Variants in SP140L observed in about 807,000 individuals in gnomAD.
SP140L encodes SP140 like nuclear body protein, also known as nuclear body protein SP140-like protein.
A neutral mutation model predicts 84.3 loss-of-function variants in SP140L; 64 were observed. The ratio of observed to expected loss-of-function variants is 0.76; its 90% CI spans 0.62 to 0.94. The LOEUF is 0.94. SP140L is among the 40% of genes least tolerant of loss of function. The pLI is 0.00. For synonymous variants in SP140L, 242 were observed against 236.9 expected, an observed-to-expected ratio of 1.02 and a Z score of -0.20; for missense variants, 628 against 692.5, an observed-to-expected ratio of 0.91 and a Z score of 1.05.
At chr2:230,385,923 G>A (rs1297829212) in intron 9 of SP140L, among the ~76,000 whole-genome samples, 1 of 152,174 alleles carries the variant, frequency 6.6e-6, no homozygotes, top group Non-Finnish European at 1.5e-5. Context: ...ATCCAGGATT[G>A]GGGAGGTGAG....
chr2:230,364,629 A>C (rs963873191), intron 5 of SP140L, among the ~76,000 whole-genome samples: 13 of 152,066 alleles, frequency 8.5e-5, no homozygotes, highest in Middle Eastern at 3.4e-3. Context: ...GATGTCTTTT[A>C]TTTCTTTTTC....
intron 2 of SP140L, among the ~76,000 whole-genome samples, chr2:230,337,806 G>C (rs1360017847): frequency 2.6e-5 from 4 of 152,048 alleles, no homozygotes; most frequent in Non-Finnish European, 2.9e-5. Context: ...GATAGTTGTA[G>C]ATACGCAGCG....
chr2:230,350,481 A>G (rs1312865326), intron 2 of SP140L, among the ~76,000 whole-genome samples: 1 of 152,206 alleles, frequency 6.6e-6, no homozygotes, highest in Non-Finnish European at 1.5e-5. Flanking sequence ...GCTACTAAAA[A>G]CAATGCTTCA....
chr2:230,378,524 A>C (rs2061317723), intron 7 of SP140L, among the ~76,000 whole-genome samples: 1 of 152,136 alleles, frequency 6.6e-6, no homozygotes, highest in Non-Finnish European at 1.5e-5. Flanking sequence ...CAGATCTTAA[A>C]CTGGTGGCCA....
Position 230,388,566 on chromosome 2 carries a change from G to A in SP140L, c.792G>A (p.Lys264=). 1 of 1,608,348 alleles carries A rather than the reference G, an allele frequency of 6.2e-7. No homozygotes were observed. The highest frequency in any genetic ancestry group is 2.2e-5 in the East Asian group (1 of 44,768). ...ATTATTCTACTTTCTCAGGGAGAAA[G>A]AGAGGCAAACCTGGAACCCACTTTA... ...LKDLSKIRGR[K]RGKPGTHFTQ... Residue 264 remains lysine (K), a synonymous_variant, in exon 10 of 19, where the codon AAG becomes AAA. Coordinates refer to ENST00000415673, the MANE Select transcript of SP140L (RefSeq NM_138402.6).
intron 5 of SP140L, among the ~76,000 whole-genome samples, chr2:230,369,757 T>A (rs1314228358): frequency 3.4e-5 from 5 of 148,682 alleles, no homozygotes; most frequent in African/African-American, 1.2e-4. Flanking sequence ...CTTACTACTT[T>A]CTTTTTGTTT....
intron 5 of SP140L, among the ~76,000 whole-genome samples, chr2:230,363,764 C>T (rs933786159): frequency 1.3e-5 from 2 of 151,828 alleles, no homozygotes; most frequent in Admixed American, 1.3e-4. Context: ...TGTCATGGAG[C>T]TTTTCCCCTG....
At chr2:230,375,817 AT>A (rs1333549325) in intron 7 of SP140L, among the ~76,000 whole-genome samples, 2 of 152,146 alleles carry the variant, frequency 1.3e-5, no homozygotes, top group African/African-American at 4.8e-5. Context: ...AATAACCCTT[AT>A]CAAATACATG....
At chr2:230,339,846 C>T (rs1166476602) in intron 2 of SP140L, among the ~76,000 whole-genome samples, 2 of 145,594 alleles carry the variant, frequency 1.4e-5, no homozygotes, top group Non-Finnish European at 1.5e-5. Context: ...TTTGATTGCA[C>T]TGTGGTCTGA....
At chr2:230,397,610 A>G (rs1452597532) in intron 14 of SP140L, among the ~76,000 whole-genome samples, 1 of 152,156 alleles carries the variant, frequency 6.6e-6, no homozygotes, top group Non-Finnish European at 1.5e-5. Flanking sequence ...CATTGCAGTG[A>G]GATGCCAATT....
At chr2:230,386,201 G>A (rs2061574527) in intron 9 of SP140L, among the ~76,000 whole-genome samples, 2 of 152,178 alleles carry the variant, frequency 1.3e-5, no homozygotes, top group Admixed American at 6.5e-5. Flanking sequence ...CCCATAGGTG[G>A]ACTGGTGCAT....
rs144824602 is a variant in SP140L, at chr2:230,401,949, A to G, written c.1644+142A>G. On this transcript the variant is annotated intron_variant, in intron 18 of 18. Transcript: ENST00000415673. ...GGAAGTGATTGATTGGTTTCAGTTC[A>G]GAACTTAAGCTCTTCTTAGCAAAGA... 2.2e-3 allele frequency: 2,037 copies of G among 922,382 alleles called. 32 individuals carry two copies. The African/African-American group carries it at 0.031, about 14-fold the overall frequency. 57.1% of individuals were successfully genotyped at this position (922,382 alleles called of 1,614,324 possible). A position where few individuals can be genotyped will look rare whatever the true frequency, so the allele number is the denominator to read the frequency against.
Position 230,357,929 on chromosome 2 carries a change from C to T in SP140L, c.232C>T (p.Leu78Phe), listed in dbSNP as rs540920855. ...IKKTFPFLEG[L>F]RDRELITNKM... ...AAAGACATTTCCATTCCTTGAGGGC[C>T]TCCGCGATCGGGAACTCATCACAAA... The change falls in exon 3 of 19, where the codon CTC becomes TTC. Residue 78 changes from leucine (L) to phenylalanine (F), a missense_variant. This residue lies in a region of SP140L where 525 missense variants were observed against 518.4 expected (regional missense o/e 1.01). Transcript: ENST00000415673. 8 of 1,613,978 alleles carry T rather than the reference C, an allele frequency of 5.0e-6. No individual in the cohort carries two copies. In the African/African-American group the frequency reaches 9.3e-5, roughly 19 times the overall value.
At chr2:230,401,904 C>G (rs897374823) in intron 18 of SP140L, 97 bp downstream of exon 18, 271 of 1,372,476 alleles carry the variant, frequency 2.0e-4, no homozygotes, top group Admixed American at 6.2e-5. Context: ...CTGTAATAAG[C>G]TTGCACGAGC....
intron 12 of SP140L, among the ~76,000 whole-genome samples, chr2:230,392,745 C>T (rs868209378): frequency 2.4e-4 from 37 of 152,140 alleles, no homozygotes; most frequent in Non-Finnish European, 4.0e-4. Context: ...TCAGTGAAAT[C>T]TTCTGAGATT....
rs985176030 is a variant in SP140L, at chr2:230,344,509, C to T, written c.108-13296C>T. Among the ~76,000 whole-genome samples the T allele has an allele frequency of 2.6e-5, 4 of 152,140 alleles. No homozygotes were observed. In the South Asian group the frequency reaches 8.3e-4, roughly 31 times the overall value. ...TGGTTTCTTTAACTGGGGCATTTAG[C>T]CCATTTACATTTGAGGTTAGTATTG... On this transcript the variant is annotated intron_variant, in intron 2 of 18. Coordinates refer to ENST00000415673, the MANE Select transcript of SP140L (RefSeq NM_138402.6).
Position 230,327,204 on chromosome 2 carries a change from A to C in SP140L, c.-66A>C. On this transcript the variant is annotated 5_prime_UTR_variant, in exon 1 of 19. Transcript: ENST00000415673. ...GGGTCAGGGCAGCCACACTGCACGC[A>C]GGCTGGGCCGACTGGGGAGCTCATA... is the stretch of plus-strand genomic sequence containing the variant. 1 of 1,552,372 alleles carries C rather than the reference A, an allele frequency of 6.4e-7. No individual in the cohort carries two copies. Among genetic ancestry groups the C allele is most frequent in the Non-Finnish European group, 8.8e-7 (1 of 1,141,976 alleles).
Position 230,354,938 on chromosome 2 carries a change from G to GA in SP140L, c.108-2862dup, listed in dbSNP as rs372444475. ...AAGAAAAAGAAAGAAAAAAGAAAAAGAAAAAGAAAGAAAGAGAAAGAAAGG... is the reference window on the plus strand; with the variant it reads ...AAGAAAAAGAAAGAAAAAAGAAAAAGAAAAAAGAAAGAAAGAGAAAGAAAGG... On this transcript the variant is annotated intron_variant, in intron 2 of 18. Coordinates refer to ENST00000415673, the MANE Select transcript of SP140L (RefSeq NM_138402.6). Among the ~76,000 whole-genome samples, 3 of 150,808 alleles carry GA rather than the reference G, an allele frequency of 2.0e-5. No individual in the cohort carries two copies. The East Asian group carries it at 5.9e-4, about 30-fold the overall frequency.
At position 230,362,888 on chromosome 2, in the gene SP140L, A is replaced by G. The variant is rs979513833; in HGVS notation, c.523+1191A>G. Among the ~76,000 whole-genome samples the G allele has an allele frequency of 9.5e-5, 12 of 125,724 alleles. 1 individual carries two copies. Among genetic ancestry groups the G allele is most frequent in the African/African-American group, 2.8e-4 (8 of 28,404 alleles). The allele number at this position is 125,724 out of a possible 152,430, so 82.5% of individuals were successfully genotyped here. Reference sequence around the variant, plus strand: ...AATTTATGCAGAAAGAAAGATACAGAAAAAAAAAAAAGAATAACATGACTG... The same window carrying G: ...AATTTATGCAGAAAGAAAGATACAGGAAAAAAAAAAAGAATAACATGACTG... On this transcript the variant is annotated intron_variant, in intron 5 of 18. Coordinates refer to ENST00000415673, the MANE Select transcript of SP140L (RefSeq NM_138402.6).
Sources: allele counts gnomAD v4.1 joint callset (sites outside exome capture counted in the v4.1 genomes callset), GRCh38; gene constraint gnomAD v4.1.1; regional missense constraint gnomAD v4.1.1; transcripts MANE v1.5; gene names NCBI Gene and HGNC (gene_info 2026-07-23, HGNC 2026-07-21).